NR3C2: variants seen among roughly 807,000 people sequenced by gnomAD.
NR3C2 encodes mineralocorticoid receptor.
NR3C2 carries 15 observed loss-of-function variants against 86.4 expected under a neutral mutation model. The ratio of observed to expected loss-of-function variants is 0.17; its 90% CI spans 0.12 to 0.27. The LOEUF (loss-of-function observed/expected upper bound fraction) is 0.27, where lower values mean the gene tolerates loss of function less well. Among genes scored for constraint, NR3C2 ranks in the 10% least tolerant of loss-of-function variants. The probability of loss-of-function intolerance (pLI) is 1.00; values close to 1 mark genes in which losing one functional copy is unlikely to be tolerated. For synonymous variants in NR3C2, 458 were observed against 450.5 expected (o/e 1.02, Z -0.21); for missense variants, 960 against 1,195.6 (o/e 0.80, Z 2.91).
intron 2 of NR3C2, among the ~76,000 whole-genome samples, chr4:148,327,570 C>G (rs1744032504): frequency 6.6e-6 from 1 of 152,162 alleles, no homozygotes; most frequent in Non-Finnish European, 1.5e-5. Context: ...GGCACTGGAG[C>G]TCCCAAAGTC....
intron 4 of NR3C2, among the ~76,000 whole-genome samples, chr4:148,169,399 C>CA: frequency 6.6e-6 from 1 of 151,688 alleles, no homozygotes; most frequent in East Asian, 1.9e-4. Flanking sequence ...TGATATATTA[C>CA]AAAAAAGACT....
chr4:148,237,496 CTA>C (rs1738802140), intron 3 of NR3C2, among the ~76,000 whole-genome samples: 2 of 152,214 alleles, frequency 1.3e-5, no homozygotes, highest in South Asian at 4.1e-4. Flanking sequence ...CAAAATCAAA[CTA>C]AAAACTTAAA....
At chr4:148,443,192 C>T (rs1435178206), upstream of NR3C2, among the ~76,000 whole-genome samples, 2 of 127,604 alleles carry the variant, frequency 1.6e-5, no homozygotes, top group African/African-American at 6.0e-5. Flanking sequence ...TTAAACACAG[C>T]TTTCCTCCCA....
rs1161878520 is a variant in NR3C2 at position 148,359,340 on chromosome 4, TC to T, written c.1757+75763del. ...ACCTAGATGTAATTTTTAGAATGTA[TC>T]AGACCACATAGTTCTTACATGTTCC... On this transcript the variant is annotated intron_variant, in intron 2 of 8. Transcript: ENST00000358102. 5.3e-5 allele frequency among the ~76,000 whole-genome samples: 8 copies of T among 152,184 alleles called. No homozygotes were observed. The East Asian group carries it at 1.5e-3, about 29-fold the overall frequency.
chr4:148,317,303 T>C (rs1249117043), intron 2 of NR3C2, among the ~76,000 whole-genome samples: 6 of 148,682 alleles, frequency 4.0e-5, no homozygotes, highest in Non-Finnish European at 8.9e-5. Context: ...TGTGGTGAGC[T>C]GAGATCGCAC....
At chr4:148,400,027 G>C (rs1019483590) in intron 2 of NR3C2, among the ~76,000 whole-genome samples, 6 of 151,804 alleles carry the variant, frequency 4.0e-5, no homozygotes, top group Non-Finnish European at 8.8e-5. Context: ...GAAACTCTTT[G>C]TATTTTAAGC....
At chr4:148,143,947 CAAAAAAAA>C (rs67177081) in intron 6 of NR3C2, among the ~76,000 whole-genome samples, 3 of 64,424 alleles carry the variant, frequency 4.7e-5, no homozygotes, top group Non-Finnish European at 8.0e-5. Context: ...AACTCTGTCT[CAAAAAAAA>C]AAAAAAAAAA....
chr4:148,342,427 AT>A (rs947941024), intron 2 of NR3C2, among the ~76,000 whole-genome samples: 14 of 152,214 alleles, frequency 9.2e-5, no homozygotes, highest in African/African-American at 3.4e-4. Context: ...TAAACACCTG[AT>A]AAGAATTGGT....
chr4:148,326,193 A>G (rs1743959588), intron 2 of NR3C2, among the ~76,000 whole-genome samples: 2 of 149,912 alleles, frequency 1.3e-5, no homozygotes, highest in African/African-American at 4.9e-5. Context: ...GATCGAGACC[A>G]TCCTGGCTAA....
At chr4:148,103,351 GGTT>G (rs1731627702) in intron 8 of NR3C2, among the ~76,000 whole-genome samples, 1 of 152,178 alleles carries the variant, frequency 6.6e-6, no homozygotes, top group African/African-American at 2.4e-5. Flanking sequence ...TCTCTCATGT[GGTT>G]GTTGTATCCA....
At chr4:148,358,936 A>G (rs1436273770) in intron 2 of NR3C2, among the ~76,000 whole-genome samples, 1 of 147,392 alleles carries the variant, frequency 6.8e-6, no homozygotes, top group East Asian at 2.0e-4. Flanking sequence ...AGTGGATCAC[A>G]TAAAATAAGC....
intron 2 of NR3C2, among the ~76,000 whole-genome samples, chr4:148,317,096 C>G (rs1172260652): frequency 6.6e-6 from 1 of 152,126 alleles, no homozygotes; most frequent in East Asian, 1.9e-4. Context: ...CCCAGGCCAC[C>G]ATCAGTATTT....
chr4:148,237,722 C>T (rs78549825), intron 3 of NR3C2, among the ~76,000 whole-genome samples: 3,898 of 149,546 alleles, frequency 0.026, 157 homozygotes, highest in African/African-American at 0.09. Flanking sequence ...AATTAAATTA[C>T]TGAATAAAAT....
chr4:148,256,271 C>A (rs1465538075), intron 3 of NR3C2, among the ~76,000 whole-genome samples: 1 of 151,968 alleles, frequency 6.6e-6, no homozygotes, highest in African/African-American at 2.4e-5. Flanking sequence ...GCTCTCAGGA[C>A]AAAATAACAT....
At chr4:148,371,132 C>T (rs1337327252) in intron 2 of NR3C2, among the ~76,000 whole-genome samples, 2 of 152,178 alleles carry the variant, frequency 1.3e-5, no homozygotes, top group Non-Finnish European at 2.9e-5. Context: ...ATAATAATCA[C>T]ATTGGGGTAA....
intron 8 of NR3C2, among the ~76,000 whole-genome samples, chr4:148,111,790 C>T (rs1359112172): frequency 6.6e-6 from 1 of 152,168 alleles, no homozygotes; most frequent in Non-Finnish European, 1.5e-5. Context: ...GCAAACTAAT[C>T]TCGATTCACA....
intron 2 of NR3C2, among the ~76,000 whole-genome samples, chr4:148,336,731 A>G (rs1341224171): frequency 1.3e-5 from 2 of 152,162 alleles, no homozygotes; most frequent in Non-Finnish European, 2.9e-5. Context: ...TGGATTAAGA[A>G]TCATATGTAT....
intron 2 of NR3C2, among the ~76,000 whole-genome samples, chr4:148,395,957 T>C (rs1204780451): frequency 1.3e-5 from 2 of 152,220 alleles, no homozygotes; most frequent in African/African-American, 4.8e-5. Context: ...AGGTGGAAGC[T>C]ATACTTGGGA....
intron 2 of NR3C2, among the ~76,000 whole-genome samples, chr4:148,389,421 G>A (rs189007335): frequency 1.3e-5 from 2 of 152,108 alleles, no homozygotes; most frequent in South Asian, 2.1e-4. Context: ...CACTATTTTC[G>A]AAATAGTAAT....
Sources: gnomAD v4.1 joint callset for allele counts (sites outside exome capture counted in the v4.1 genomes callset) on GRCh38, gnomAD v4.1.1 for gene constraint, MANE v1.5 for transcripts, NCBI Gene and HGNC (gene_info 2026-07-23, HGNC 2026-07-21) for gene names.